Variants in TTC28 observed in about 807,000 individuals in gnomAD.
The protein encoded by TTC28 is tetratricopeptide repeat protein 28.
In TTC28, 61 loss-of-function variants were observed where a neutral mutation model predicts 198.0. The ratio of observed to expected loss-of-function variants is 0.31; its 90% confidence interval spans 0.25 to 0.38. TTC28 has a LOEUF of 0.38. Among genes scored for constraint, TTC28 ranks in the 10% least tolerant of loss-of-function variants. The pLI, the probability that TTC28 is intolerant of heterozygous loss-of-function variation, is 1.00. For missense variants in TTC28, 2,678 were observed against 3,164.0 expected, an observed-to-expected ratio of 0.85 and a Z score of 3.69; for synonymous variants, 1,171 against 1,297.8, an observed-to-expected ratio of 0.90 and a Z score of 2.10.
chr22:28,043,237 C>T (rs1481969211), intron 12 of TTC28, among the ~76,000 whole-genome samples: 5 of 77,696 alleles, frequency 6.4e-5, no homozygotes, highest in East Asian at 5.8e-4. Flanking sequence ...AGTAAGACTC[C>T]ATCTCAAAAA....
intron 1 of TTC28, among the ~76,000 whole-genome samples, chr22:28,636,651 T>A (rs1489168920): frequency 6.6e-6 from 1 of 152,182 alleles, no homozygotes; most frequent in Non-Finnish European, 1.5e-5. Flanking sequence ...TTCACACCCC[T>A]CTTAGCAGTT....
At chr22:28,209,594 C>T (rs543335350) in intron 5 of TTC28, among the ~76,000 whole-genome samples, 3 of 152,170 alleles carry the variant, frequency 2.0e-5, no homozygotes, top group Non-Finnish European at 2.9e-5. Context: ...GGGGGAGGGG[C>T]GTCTGCCATT....
chr22:28,619,890 T>C (rs935218707), intron 2 of TTC28, among the ~76,000 whole-genome samples: 4 of 152,126 alleles, frequency 2.6e-5, no homozygotes. Context: ...ATGGGGACCA[T>C]GCGCAAAGAA....
intron 2 of TTC28, among the ~76,000 whole-genome samples, chr22:28,372,247 A>T (rs1033310889): frequency 1.3e-5 from 2 of 152,234 alleles, no homozygotes; most frequent in African/African-American, 4.8e-5. Flanking sequence ...CTTTTTTAAA[A>T]AATTTAAGAG....
At chr22:28,039,195 A>T (rs972348821) in intron 12 of TTC28, among the ~76,000 whole-genome samples, 2 of 152,212 alleles carry the variant, frequency 1.3e-5, no homozygotes, top group African/African-American at 4.8e-5. Context: ...ATTATAAAAC[A>T]TGCTGCTATG....
At chr22:28,603,468 A>T (rs2050676743) in intron 2 of TTC28, among the ~76,000 whole-genome samples, 1 of 152,018 alleles carries the variant, frequency 6.6e-6, no homozygotes, top group Non-Finnish European at 1.5e-5. Context: ...GCTCACTGCA[A>T]CTTCGGACTC....
At chr22:28,062,031 G>A (rs1165700340) in intron 12 of TTC28, among the ~76,000 whole-genome samples, 1 of 152,038 alleles carries the variant, frequency 6.6e-6, no homozygotes, top group Non-Finnish European at 1.5e-5. Flanking sequence ...TCTGTTATCG[G>A]TGTATAACTC....
At chr22:28,340,575 C>T (rs2045813594) in intron 2 of TTC28, among the ~76,000 whole-genome samples, 1 of 152,052 alleles carries the variant, frequency 6.6e-6, no homozygotes, top group Non-Finnish European at 1.5e-5. Flanking sequence ...AACAAAAACA[C>T]ATGTGATTGG....
intron 5 of TTC28, among the ~76,000 whole-genome samples, chr22:28,265,370 T>G (rs950187969): frequency 1.3e-5 from 2 of 152,142 alleles, no homozygotes; most frequent in African/African-American, 4.8e-5. Context: ...TCCCAACCAG[T>G]CTTTGTAGAG....
rs553892529 is a variant in TTC28, at chr22:28,419,618, C to G, written c.382-112975G>C. On this transcript the variant is annotated intron_variant, in intron 2 of 22. Coordinates refer to ENST00000397906, the MANE Select transcript of TTC28 (RefSeq NM_001145418.2). The stretch of plus-strand genomic sequence containing the variant: ...AAGCATATGATGCTAAACAGCCTAT[C>G]GACAATCTAAATAAGAAAACAAACA... Among the ~76,000 whole-genome samples, 3 of 152,238 alleles carry G rather than the reference C, an allele frequency of 2.0e-5. No homozygotes were observed. The East Asian group carries it at 5.8e-4, about 29-fold the overall frequency.
intron 5 of TTC28, among the ~76,000 whole-genome samples, chr22:28,268,972 G>A (rs1052863331): frequency 3.3e-5 from 5 of 152,038 alleles, no homozygotes; most frequent in Admixed American, 1.3e-4. Context: ...AAGAAAGTAC[G>A]CTATATCTTT....
intron 6 of TTC28, among the ~76,000 whole-genome samples, chr22:28,124,123 C>G (rs1942857698): frequency 6.6e-6 from 1 of 152,212 alleles, no homozygotes; most frequent in African/African-American, 2.4e-5. Flanking sequence ...CTGAGAATCA[C>G]TGTTGCCTCT....
chr22:28,549,099 C>T (rs1301910996), intron 2 of TTC28, among the ~76,000 whole-genome samples: 2 of 152,088 alleles, frequency 1.3e-5, no homozygotes, highest in Non-Finnish European at 2.9e-5. Context: ...ACGATCTCAG[C>T]TCACTGCAGC....
At chr22:28,169,646 A>C (rs1241776359) in intron 5 of TTC28, among the ~76,000 whole-genome samples, 1 of 152,072 alleles carries the variant, frequency 6.6e-6, no homozygotes, top group Non-Finnish European at 1.5e-5. Context: ...CAGGAAGGGG[A>C]ACATCACACA....
chr22:28,230,265 C>A (rs910163589), intron 5 of TTC28, among the ~76,000 whole-genome samples: 1 of 152,230 alleles, frequency 6.6e-6, no homozygotes, highest in South Asian at 2.1e-4. Flanking sequence ...GCAAATATCA[C>A]TGGCCACAGA....
chr22:28,142,895 G>C (rs1943375463), intron 6 of TTC28, among the ~76,000 whole-genome samples: 1 of 152,190 alleles, frequency 6.6e-6, no homozygotes, highest in Non-Finnish European at 1.5e-5. Context: ...AAGAATGCCT[G>C]AATGTTGACA....
At chr22:28,202,891 C>T (rs1926093740) in intron 5 of TTC28, among the ~76,000 whole-genome samples, 1 of 151,860 alleles carries the variant, frequency 6.6e-6, no homozygotes, top group Non-Finnish European at 1.5e-5. Context: ...ATTTTCTCTT[C>T]TTTTTTTTAA....
At chr22:28,015,260 AACAAGGC>A (rs1938320121) in intron 13 of TTC28, among the ~76,000 whole-genome samples, 1 of 152,164 alleles carries the variant, frequency 6.6e-6, no homozygotes, top group African/African-American at 2.4e-5. Context: ...CCAATGCAGC[AACAAGGC>A]TGCCCACGTG....
rs1230782588 is a variant in TTC28 at position 27,981,391 on chromosome 22, G to T, written c.*830C>A. 1 of 151,598 alleles carries T rather than the reference G, an allele frequency of 6.6e-6. No individual in the cohort carries two copies. Among genetic ancestry groups the T allele is most frequent in the Non-Finnish European group, 1.5e-5 (1 of 67,940 alleles). The allele number at this position is 151,598 out of a possible 1,614,324, so 9.4% of individuals were successfully genotyped here. ...GCTTTTAAAAATAATAGCTATAAAT[G>T]CAAAGTACTATTGATAATAAAACCA... On this transcript the variant is annotated 3_prime_UTR_variant, in exon 23 of 23. Coordinates refer to ENST00000397906, the MANE Select transcript of TTC28 (RefSeq NM_001145418.2).
Sources: allele counts gnomAD v4.1 joint callset (sites outside exome capture counted in the v4.1 genomes callset), GRCh38; gene constraint gnomAD v4.1.1; transcripts MANE v1.5; gene names NCBI Gene and HGNC (gene_info 2026-07-23, HGNC 2026-07-21).